RBMS3: variants seen among roughly 807,000 people sequenced by gnomAD.
The protein encoded by RBMS3 is RNA binding motif single stranded interacting protein 3, also known as RNA-binding motif, single-stranded-interacting protein 3.
In RBMS3, 27 loss-of-function variants were observed where a neutral mutation model predicts 66.8. That is an observed-to-expected ratio of 0.40 (90% CI 0.30 to 0.56). The LOEUF (loss-of-function observed/expected upper bound fraction) is 0.56, where lower values mean the gene tolerates loss of function less well. Ranked by LOEUF, RBMS3 falls within the 20% of genes least tolerant of loss-of-function variation. The pLI is 0.40. For missense variants in RBMS3, 513 were observed against 549.5 expected (o/e 0.93, Z 0.66); for synonymous variants, 188 against 183.0 (o/e 1.03, Z -0.22).
intron 4 of RBMS3, among the ~76,000 whole-genome samples, chr3:29,684,414 G>A (rs1044315739): frequency 6.6e-6 from 1 of 152,088 alleles, no homozygotes; most frequent in Non-Finnish European, 1.5e-5. Context: ...ATTTCTTTAT[G>A]TACCTATCTA....
intron 1 of RBMS3, among the ~76,000 whole-genome samples, chr3:29,402,962 T>C (rs1322690568): frequency 6.6e-6 from 1 of 151,928 alleles, no homozygotes; most frequent in African/African-American, 2.4e-5. Flanking sequence ...CTGTTTATAC[T>C]TTACTTACTG....
At chr3:29,523,604 C>A (rs1214387602) in intron 3 of RBMS3, among the ~76,000 whole-genome samples, 2 of 152,078 alleles carry the variant, frequency 1.3e-5, no homozygotes, top group Admixed American at 1.3e-4. Context: ...AGGAACAGAA[C>A]CAGTTATGAT....
chr3:29,424,272 G>T (rs1167812348), intron 1 of RBMS3, among the ~76,000 whole-genome samples: 1 of 152,190 alleles, frequency 6.6e-6, no homozygotes, highest in African/African-American at 2.4e-5. Flanking sequence ...ACCCTGATTT[G>T]CTTCAGACAA....
At chr3:29,418,800 A>G (rs1278432387) in intron 1 of RBMS3, among the ~76,000 whole-genome samples, 1 of 152,206 alleles carries the variant, frequency 6.6e-6, no homozygotes, top group Non-Finnish European at 1.5e-5. Context: ...AAAAGCCACC[A>G]TGCTAATAGC....
intron 4 of RBMS3, among the ~76,000 whole-genome samples, chr3:29,714,030 G>C (rs748338902): frequency 9.5e-4 from 144 of 152,172 alleles, no homozygotes; most frequent in Admixed American, 1.8e-3. Flanking sequence ...ACTCCAGCCT[G>C]GGCAACAGAG....
At chr3:29,619,269 T>TAAA (rs71628528) in intron 4 of RBMS3, among the ~76,000 whole-genome samples, 31 of 133,686 alleles carry the variant, frequency 2.3e-4, no homozygotes, top group African/African-American at 8.0e-4. Context: ...GTATTTTATG[T>TAAA]AAAAAAAAAA....
intron 4 of RBMS3, chr3:29,614,491 T>C (rs1447351815): frequency 6.6e-6 from 1 of 152,128 alleles, no homozygotes; most frequent in Non-Finnish European, 1.5e-5. Context: ...ATGATAAATA[T>C]GTGAGGCAAT....
At chr3:29,402,929 T>A (rs777986398) in intron 1 of RBMS3, among the ~76,000 whole-genome samples, 5 of 151,838 alleles carry the variant, frequency 3.3e-5, no homozygotes, top group Non-Finnish European at 5.9e-5. Context: ...AAAAGCACAA[T>A]GATCATATAC....
intron 3 of RBMS3, among the ~76,000 whole-genome samples, chr3:29,572,821 C>A (rs2046991481): frequency 6.6e-6 from 1 of 152,070 alleles, no homozygotes; most frequent in Non-Finnish European, 1.5e-5. Flanking sequence ...CCCTATTTTT[C>A]AGAATTGTTT....
At chr3:29,769,425 A>G (rs953764188) in intron 6 of RBMS3, among the ~76,000 whole-genome samples, 1 of 151,956 alleles carries the variant, frequency 6.6e-6, no homozygotes, top group African/African-American at 2.4e-5. Context: ...CAATGTGTGA[A>G]TGCCTACAGC....
At chr3:29,636,680 A>G in intron 4 of RBMS3, among the ~76,000 whole-genome samples, 1 of 151,934 alleles carries the variant, frequency 6.6e-6, no homozygotes, top group East Asian at 1.9e-4. Flanking sequence ...TGTTGGAAAT[A>G]CTTGCAATAC....
intron 3 of RBMS3, among the ~76,000 whole-genome samples, chr3:29,500,592 C>T (rs949552704): frequency 4.6e-5 from 7 of 151,924 alleles, no homozygotes; most frequent in African/African-American, 1.7e-4. Context: ...TATACAAATA[C>T]TTATGATTGT....
At chr3:29,696,501 T>A (rs773123167) in intron 4 of RBMS3, among the ~76,000 whole-genome samples, 1 of 152,230 alleles carries the variant, frequency 6.6e-6, no homozygotes, top group Non-Finnish European at 1.5e-5. Context: ...TGAGTAGCAA[T>A]GTCACACACT....
At chr3:29,492,585 T>G (rs946019745) in intron 3 of RBMS3, among the ~76,000 whole-genome samples, 2 of 152,108 alleles carry the variant, frequency 1.3e-5, no homozygotes, top group African/African-American at 4.8e-5. Flanking sequence ...TAGACCATGA[T>G]GAAAATGAAG....
intron 3 of RBMS3, among the ~76,000 whole-genome samples, chr3:29,528,638 T>A (rs2045230457): frequency 1.3e-5 from 2 of 152,352 alleles, no homozygotes; most frequent in South Asian, 4.1e-4. Context: ...CCAGAATTTG[T>A]TTTTAACTTT....
chr3:29,707,828 G>A (rs550367429), intron 4 of RBMS3, among the ~76,000 whole-genome samples: 3 of 152,328 alleles, frequency 2.0e-5, no homozygotes, highest in African/African-American at 7.2e-5. Context: ...GAAAAGACAG[G>A]TCAAGGCTTT....
intron 12 of RBMS3, among the ~76,000 whole-genome samples, chr3:29,948,433 C>T (rs1158351791): frequency 6.6e-6 from 1 of 151,782 alleles, no homozygotes; most frequent in African/African-American, 2.4e-5. Flanking sequence ...TGAAACTATC[C>T]TCTATCATCC....
intron 1 of RBMS3, among the ~76,000 whole-genome samples, chr3:29,389,420 T>G (rs1376572396): frequency 6.6e-6 from 1 of 152,224 alleles, no homozygotes; most frequent in Non-Finnish European, 1.5e-5. Context: ...ATTAAGTACC[T>G]GAACAAATGT....
At chr3:29,331,613 T>C (rs2035657485) in intron 1 of RBMS3, among the ~76,000 whole-genome samples, 1 of 152,092 alleles carries the variant, frequency 6.6e-6, no homozygotes, top group Admixed American at 6.6e-5. Flanking sequence ...CCTTTTTCTG[T>C]GATCCATGTA....
Sources: allele counts gnomAD v4.1 joint callset (sites outside exome capture counted in the v4.1 genomes callset), GRCh38; gene constraint gnomAD v4.1.1; transcripts MANE v1.5; gene names NCBI Gene and HGNC (gene_info 2026-07-23, HGNC 2026-07-21).